Variants in CADPS2 observed in about 807,000 individuals in gnomAD.
CADPS2 encodes calcium dependent secretion activator 2.
CADPS2 carries 93 observed loss-of-function variants against 172.5 expected under a neutral mutation model. The ratio of observed to expected loss-of-function variants is 0.54; its 90% CI spans 0.46 to 0.64. CADPS2 has a LOEUF of 0.64. CADPS2 is among the 30% of genes least tolerant of loss of function. CADPS2 has a pLI of 0.00. For synonymous variants in CADPS2, 546 were observed against 555.2 expected, an observed-to-expected ratio of 0.98 and a Z score of 0.23; for missense variants, 1,420 against 1,565.9, an observed-to-expected ratio of 0.91 and a Z score of 1.57.
intron 9 of CADPS2, among the ~76,000 whole-genome samples, chr7:122,492,335 G>T (rs2058369682): frequency 6.6e-6 from 1 of 152,140 alleles, no homozygotes; most frequent in East Asian, 1.9e-4. Context: ...GCCAAGATCT[G>T]GTCTGCCTCT....
rs372575809 is a variant in CADPS2, at chr7:122,393,577, A to C, written c.2752T>G (p.Leu918Val). Reference sequence around the variant, plus strand: ...TGTTTGTGAAATTTTCCATTACACAAAAGTGCTGAAATAGCCAAGCAGAAA... The same window carrying C: ...TGTTTGTGAAATTTTCCATTACACACAAGTGCTGAAATAGCCAAGCAGAAA... ...LNNFLRNDTL[L>V]CNGKFHKHLQ... Residue 918 changes from leucine to valine, a missense_variant, in exon 21 of 30, where the codon TTG (leucine) becomes GTG (valine). Leu to Val is a conservative substitution (Grantham distance 32, BLOSUM62 1). Transcript: ENST00000449022. 2.5e-6 allele frequency: 4 copies of C among 1,613,674 alleles called. No homozygotes were observed. The highest frequency in any genetic ancestry group is 3.4e-6 in the Non-Finnish European group (4 of 1,179,780).
At chr7:122,619,888 G>C (rs2075384113) in intron 5 of CADPS2, among the ~76,000 whole-genome samples, 1 of 152,130 alleles carries the variant, frequency 6.6e-6, no homozygotes, top group Admixed American at 6.5e-5. Context: ...AAGTCATTAG[G>C]TAAGCCCAGA....
intron 8 of CADPS2, 88 bp downstream of exon 8, chr7:122,554,462 A>G: frequency 7.8e-7 from 1 of 1,277,576 alleles, no homozygotes; most frequent in Non-Finnish European, 1.1e-6. Flanking sequence ...AAAGCCTGCT[A>G]TACTGGTTCT....
intron 14 of CADPS2, among the ~76,000 whole-genome samples, chr7:122,469,814 G>A (rs1428257586): frequency 6.6e-6 from 1 of 150,394 alleles, no homozygotes; most frequent in Non-Finnish European, 1.5e-5. Flanking sequence ...AACAGAAGCA[G>A]GTGTGTGTCT....
At position 122,775,167 on chromosome 7, in the gene CADPS2, A is replaced by C. The variant is rs1389405606; in HGVS notation, c.340-38099T>G. The stretch of plus-strand genomic sequence containing the variant: ...GTCTTTTATCCAATGGCGATATTAA[A>C]AACATTTAACAAACAGTGCAGCACA... On this transcript the variant is annotated intron_variant, in intron 1 of 29. Transcript: ENST00000449022. Among the ~76,000 whole-genome samples the C allele has an allele frequency of 2.0e-5, 3 of 152,216 alleles. No homozygotes were observed. In the East Asian group the frequency reaches 5.8e-4, roughly 29 times the overall value.
At chr7:122,760,662 G>T (rs1055049909) in intron 1 of CADPS2, among the ~76,000 whole-genome samples, 7 of 151,920 alleles carry the variant, frequency 4.6e-5, no homozygotes, top group Non-Finnish European at 1.0e-4. Context: ...GTCCTTTGTA[G>T]GGACATGGAT....
At chr7:122,632,853 A>C (rs1288379795) in intron 3 of CADPS2, among the ~76,000 whole-genome samples, 1 of 152,082 alleles carries the variant, frequency 6.6e-6, no homozygotes, top group Non-Finnish European at 1.5e-5. Flanking sequence ...TCGTTAATCC[A>C]CCCTGAGTTA....
chr7:122,702,676 T>C (rs776919918), intron 2 of CADPS2: 6 of 1,612,948 alleles, frequency 3.7e-6, no homozygotes, highest in East Asian at 2.2e-5. Flanking sequence ...AGCTAAGTAG[T>C]AGAAAGATAC....
chr7:122,619,829 A>G (rs995808820), intron 5 of CADPS2, among the ~76,000 whole-genome samples: 2 of 152,214 alleles, frequency 1.3e-5, no homozygotes, highest in African/African-American at 4.8e-5. Flanking sequence ...TCCTTATGTC[A>G]AAAGGCTGAA....
In CADPS2 at chr7:122,864,550, A is replaced by G. The variant is rs774799905; in HGVS notation, c.339+21449T>C. On this transcript the variant is annotated intron_variant, in intron 1 of 29. Coordinates refer to ENST00000449022, the MANE Select transcript of CADPS2 (RefSeq NM_017954.11). ...TTGTAGCTCTCAGGAAAGCTAGAAA[A>G]GCAAGTACCTTACCTAGGGCTGGAA... Among the ~76,000 whole-genome samples the G allele has an allele frequency of 5.5e-4, 84 of 152,284 alleles. 1 individual carries two copies. The highest frequency in any genetic ancestry group is 3.4e-3 in the Middle Eastern group (1 of 294).
intron 6 of CADPS2, among the ~76,000 whole-genome samples, chr7:122,587,551 T>C (rs533370340): frequency 6.6e-6 from 1 of 152,308 alleles, no homozygotes; most frequent in African/African-American, 2.4e-5. Flanking sequence ...ATCTTTGCTG[T>C]TGTGAACAGT....
chr7:122,836,774 A>T (rs1808589566), intron 1 of CADPS2, among the ~76,000 whole-genome samples: 1 of 152,206 alleles, frequency 6.6e-6, no homozygotes. Flanking sequence ...CCAGATTCAT[A>T]AAGCAAGGCC....
intron 8 of CADPS2, among the ~76,000 whole-genome samples, chr7:122,514,968 G>C (rs2060251445): frequency 6.6e-6 from 1 of 152,108 alleles, no homozygotes; most frequent in East Asian, 1.9e-4. Context: ...TTGAGTGGTA[G>C]AGTTATGGCA....
At chr7:122,343,707 C>T (rs1301847249) in intron 28 of CADPS2, among the ~76,000 whole-genome samples, 18 of 152,172 alleles carry the variant, frequency 1.2e-4, no homozygotes, top group Non-Finnish European at 2.6e-4. Flanking sequence ...AGAAGACGTG[C>T]TTTAGCTATT....
Position 122,345,561 on chromosome 7 carries a change from G to A in CADPS2, c.3612+13C>T, listed in dbSNP as rs1166735534. On this transcript the variant is annotated intron_variant, in intron 28 of 29. Coordinates refer to ENST00000449022, the MANE Select transcript of CADPS2 (RefSeq NM_017954.11). ...CTATGGTGTCAGCATACCTTGCAAG[G>A]GAAGCTACTTACATCAAATAACTTT... is the stretch of plus-strand genomic sequence containing the variant. 6.8e-7 allele frequency: 1 copy of A among 1,473,208 alleles called. No individual in the cohort carries two copies. Among genetic ancestry groups the A allele is most frequent in the Non-Finnish European group, 9.5e-7 (1 of 1,055,276 alleles). 91.3% of individuals were successfully genotyped at this position (1,473,208 alleles called of 1,614,324 possible).
At chr7:122,354,346 TAAG>T (rs1413046219) in intron 27 of CADPS2, 1 of 152,128 alleles carries the variant, frequency 6.6e-6, no homozygotes, top group African/African-American at 2.4e-5. Flanking sequence ...AACTGGTGCC[TAAG>T]GTCACACTGA....
At chr7:122,829,819 C>T (rs1805973006) in intron 1 of CADPS2, among the ~76,000 whole-genome samples, 1 of 151,988 alleles carries the variant, frequency 6.6e-6, no homozygotes, top group African/African-American at 2.4e-5. Context: ...TCTATGGTGC[C>T]TTAAAGATGG....
intron 28 of CADPS2, among the ~76,000 whole-genome samples, chr7:122,329,440 G>A (rs2034529774): frequency 6.6e-6 from 1 of 152,154 alleles, no homozygotes; most frequent in East Asian, 1.9e-4. Context: ...ACAAGCATGA[G>A]CTCTTTGTCA....
intron 1 of CADPS2, among the ~76,000 whole-genome samples, chr7:122,754,939 GA>G (rs1211323288): frequency 7.9e-5 from 12 of 152,066 alleles, no homozygotes; most frequent in Non-Finnish European, 1.2e-4. Context: ...GAACATAGGA[GA>G]ACTTAATTTT....
Sources: gnomAD v4.1 joint callset for allele counts (sites outside exome capture counted in the v4.1 genomes callset) on GRCh38, gnomAD v4.1.1 for gene constraint, MANE v1.5 for transcripts, NCBI Gene and HGNC (gene_info 2026-07-23, HGNC 2026-07-21) for gene names.